Variants in ZNF469 observed in about 807,000 individuals in gnomAD.
ZNF469 encodes the protein zinc finger protein 469.
Under a neutral mutation model 1.0 loss-of-function variants are expected in ZNF469, and 1 was observed. The observed-to-expected ratio is 1.00, with a 90% confidence interval of 0.35 to 4.73. The LOEUF (loss-of-function observed/expected upper bound fraction) is 4.73. ZNF469 is among the 30% of genes most tolerant of loss of function. The pLI, the probability that ZNF469 is intolerant of heterozygous loss-of-function variation, is 0.16. For synonymous variants in ZNF469, 2,703 were observed against 2,363.4 expected, an observed-to-expected ratio of 1.14 and a Z score of -4.17; for missense variants, 6,100 against 5,356.3, an observed-to-expected ratio of 1.14 and a Z score of -4.33.
At chr16:88,229,854 G>C in the ZNF469 span, among the ~76,000 whole-genome samples, 2 of 152,216 alleles carry the variant, frequency 1.3e-5, no homozygotes, top group Admixed American at 1.3e-4. Flanking sequence ...AGGGTGAACA[G>C]CAGGGACCCC....
At chr16:88,118,661 T>C in the ZNF469 span, among the ~76,000 whole-genome samples, 1 of 152,254 alleles carries the variant, frequency 6.6e-6, no homozygotes, top group African/African-American at 2.4e-5. Context: ...TTCCCGACTC[T>C]ACGGCTTCCT....
chr16:88,347,176 G>A, the ZNF469 span, among the ~76,000 whole-genome samples: 2 of 152,088 alleles, frequency 1.3e-5, no homozygotes, highest in Non-Finnish European at 2.9e-5. Flanking sequence ...ACCAAGCTGG[G>A]GACCCACACC....
At chr16:88,335,796 G>T in the ZNF469 span, among the ~76,000 whole-genome samples, 1 of 127,210 alleles carries the variant, frequency 7.9e-6, no homozygotes, top group African/African-American at 3.0e-5. Context: ...ACGCACATTC[G>T]TCCTTCACGT....
chr16:88,251,536 G>GTGTTTTTTTTTTTTTT, the ZNF469 span, among the ~76,000 whole-genome samples: 66 of 78,792 alleles, frequency 8.4e-4, 8 homozygotes, highest in Non-Finnish European at 1.1e-3. Context: ...TGTCCCTGCT[G>GTGTTTTTTTTTTTTTT]TCTTTTTTTT....
chr16:88,310,857 A>G, the ZNF469 span, among the ~76,000 whole-genome samples: 4 of 152,320 alleles, frequency 2.6e-5, no homozygotes, highest in South Asian at 8.3e-4. Context: ...AAAATCGAGA[A>G]GATGGCATAG....
At chr16:88,380,056 C>T (rs911761281), upstream of ZNF469, among the ~76,000 whole-genome samples, 1 of 152,048 alleles carries the variant, frequency 6.6e-6, no homozygotes, top group African/African-American at 2.4e-5. Context: ...GTCACACACA[C>T]ACATACTCAC....
At chr16:88,414,825 A>T (rs1905263476) in intron 1 of ZNF469, among the ~76,000 whole-genome samples, 1 of 152,236 alleles carries the variant, frequency 6.6e-6, no homozygotes, top group South Asian at 2.1e-4. Context: ...CCCCGCCCAG[A>T]CGTCCACTGC....
chr16:88,283,167 AG>A, the ZNF469 span, among the ~76,000 whole-genome samples: 5 of 151,886 alleles, frequency 3.3e-5, no homozygotes, highest in African/African-American at 1.2e-4. Context: ...GGGGGTGGGG[AG>A]GGGACTGGGA....
At chr16:88,357,498 G>A in the ZNF469 span, among the ~76,000 whole-genome samples, 1 of 152,214 alleles carries the variant, frequency 6.6e-6, no homozygotes, top group Non-Finnish European at 1.5e-5. Flanking sequence ...CCTGGGCCTC[G>A]GTGGCATCAG....
At chr16:88,246,137 G>GTTCT in the ZNF469 span, among the ~76,000 whole-genome samples, 1 of 152,270 alleles carries the variant, frequency 6.6e-6, no homozygotes, top group Non-Finnish European at 1.5e-5. Flanking sequence ...TCCCCATGAT[G>GTTCT]TTCTGAGAGC....
chr16:88,424,082 T>C lies in ZNF469; in HGVS notation c.-191-725T>C, dbSNP rs1905598392. ...TTGACGCAGCTAGGCCCACAGCGTT[T>C]GGAGCACAGGCTGTCGCCATGTGGT... On this transcript the variant is annotated intron_variant, in intron 1 of 2. Coordinates refer to ENST00000565624, the MANE Select transcript of ZNF469 (RefSeq NM_001367624.2). This position sits in a 1 kb window ranked among gnomAD's most constrained non-coding sequence, Gnocchi z 4.3. Among the ~76,000 whole-genome samples, 1 of 152,242 alleles carries C rather than the reference T, an allele frequency of 6.6e-6. No homozygotes were observed. The highest frequency in any genetic ancestry group is 6.5e-5 in the Admixed American group (1 of 15,284).
At chr16:88,111,238 G>A in the ZNF469 span, among the ~76,000 whole-genome samples, 1 of 152,312 alleles carries the variant, frequency 6.6e-6, no homozygotes, top group Non-Finnish European at 1.5e-5. Context: ...AGTCTGCAAT[G>A]GGCTGTTTTT....
chr16:88,356,273 G>A, the ZNF469 span, among the ~76,000 whole-genome samples: 1 of 152,132 alleles, frequency 6.6e-6, no homozygotes, highest in Non-Finnish European at 1.5e-5. Flanking sequence ...CAGGGTCCAA[G>A]GTCCATGATC....
chr16:88,407,072 G>C lies in ZNF469; in HGVS notation c.-191-17735G>C, dbSNP rs1400856938. Among the ~76,000 whole-genome samples, 4 of 152,348 alleles carry C rather than the reference G, an allele frequency of 2.6e-5. No homozygotes were observed. The East Asian group carries it at 7.7e-4, about 29-fold the overall frequency. On this transcript the variant is annotated intron_variant, in intron 1 of 2. Coordinates refer to ENST00000565624, the MANE Select transcript of ZNF469 (RefSeq NM_001367624.2). Reference sequence around the variant, plus strand: ...ATCTGAGAAGCCTGCCCTGATTGCTGTGACCGCCGCACCTGGGCCTTTGCT... The same window carrying C: ...ATCTGAGAAGCCTGCCCTGATTGCTCTGACCGCCGCACCTGGGCCTTTGCT...
the ZNF469 span, among the ~76,000 whole-genome samples, chr16:88,239,852 G>T: frequency 6.7e-6 from 1 of 148,932 alleles, no homozygotes; most frequent in East Asian, 1.9e-4. Flanking sequence ...GAGCCACCAT[G>T]CCTGGCTAAC....
At chr16:88,315,928 C>G in the ZNF469 span, among the ~76,000 whole-genome samples, 1 of 152,196 alleles carries the variant, frequency 6.6e-6, no homozygotes, top group South Asian at 2.1e-4. Flanking sequence ...TCCGGACGTT[C>G]CAGAGGAAAC....
chr16:88,430,298 G>T lies in ZNF469; in HGVS notation c.2828G>T (p.Arg943Met). ...PTEADAPSQG[R>M]QQRRGKQLKL... ...GAGGCGGATGCGCCCAGCCAGGGCA[G>T]GCAGCAGAGGAGGGGGAAGCAGTTG... The change falls in exon 3 of 3, where the codon AGG becomes ATG. Residue 943 changes from arginine to methionine, a missense_variant. Transcript: ENST00000565624. 6.6e-7 allele frequency: 1 copy of T among 1,514,212 alleles called. No homozygotes were observed. The highest frequency in any genetic ancestry group is 8.8e-7 in the Non-Finnish European group (1 of 1,133,932). The allele number at this position is 1,514,212 out of a possible 1,614,324, so 93.8% of individuals were successfully genotyped here.
At chr16:88,205,758 G>T in the ZNF469 span, among the ~76,000 whole-genome samples, 1 of 152,220 alleles carries the variant, frequency 6.6e-6, no homozygotes, top group African/African-American at 2.4e-5. The surrounding 1 kb of genome is among the most constrained non-coding windows in gnomAD (Gnocchi z 4.2). Flanking sequence ...TTTTCTATGG[G>T]GAGGAAGCTG....
At chr16:88,293,716 T>C in the ZNF469 span, among the ~76,000 whole-genome samples, 2 of 152,190 alleles carry the variant, frequency 1.3e-5, no homozygotes, top group African/African-American at 4.8e-5. Flanking sequence ...CTGAGACTCT[T>C]CTGTGATCCT....
Sources: allele counts gnomAD v4.1 joint callset (sites outside exome capture counted in the v4.1 genomes callset), GRCh38; gene constraint gnomAD v4.1.1; non-coding constraint Gnocchi (gnomAD v3.1); transcripts MANE v1.5; gene names NCBI Gene and HGNC (gene_info 2026-07-23, HGNC 2026-07-21).